TPRG1: variants seen among roughly 807,000 people sequenced by gnomAD.
TPRG1 encodes the protein tumor protein p63 regulated 1.
Under a neutral mutation model 29.3 loss-of-function variants are expected in TPRG1, and 29 were observed. The ratio of observed to expected loss-of-function variants is 0.99; its 90% confidence interval spans 0.74 to 1.35. The LOEUF (loss-of-function observed/expected upper bound fraction) is 1.35. Among genes scored for constraint, TPRG1 ranks in the 40% most tolerant of loss-of-function variants. TPRG1 has a pLI of 0.00. For missense variants in TPRG1, 327 were observed against 335.0 expected, an observed-to-expected ratio of 0.98 and a Z score of 0.19; for synonymous variants, 130 against 116.8, an observed-to-expected ratio of 1.11 and a Z score of -0.73.
chr3:189,193,829 G>A (rs574224085), intron 1 of TPRG1, among the ~76,000 whole-genome samples: 54 of 149,806 alleles, frequency 3.6e-4, no homozygotes, highest in African/African-American at 1.3e-3. Context: ...TTGTTGAATC[G>A]TCTGTCCGTA....
intron 5 of TPRG1, among the ~76,000 whole-genome samples, chr3:189,315,882 A>T (rs1324056380): frequency 6.6e-6 from 1 of 152,210 alleles, no homozygotes; most frequent in Non-Finnish European, 1.5e-5. Context: ...AAGTACTAAG[A>T]TTGTAAATAG....
chr3:189,297,805 T>C (rs1016165934), intron 4 of TPRG1, among the ~76,000 whole-genome samples: 6 of 151,936 alleles, frequency 3.9e-5, no homozygotes, highest in Non-Finnish European at 8.8e-5. Flanking sequence ...GGCTGAGGGG[T>C]GACCAAGAAC....
At chr3:189,098,767 G>A (rs2152187040), upstream of TPRG1, among the ~76,000 whole-genome samples, 1 of 152,224 alleles carries the variant, frequency 6.6e-6, no homozygotes, top group Non-Finnish European at 1.5e-5. Context: ...AAGCCTTGTG[G>A]TTTCACCATC....
At chr3:189,310,269 T>C (rs1337043033) in intron 4 of TPRG1, 117 bp from the exon 5 acceptor site, 2 of 840,700 alleles carry the variant, frequency 2.4e-6, no homozygotes, top group African/African-American at 3.5e-5. Flanking sequence ...CCCTAAAATC[T>C]TTTGAACAGT....
intron 1 of TPRG1, among the ~76,000 whole-genome samples, chr3:189,175,871 G>C (rs1295877084): frequency 1.3e-5 from 2 of 152,174 alleles, no homozygotes; most frequent in African/African-American, 4.8e-5. Context: ...CACAAGTTGA[G>C]TTCTTAACTT....
intron 3 of TPRG1, among the ~76,000 whole-genome samples, chr3:189,232,901 A>G (rs1325322932): frequency 6.6e-6 from 1 of 152,210 alleles, no homozygotes; most frequent in Non-Finnish European, 1.5e-5. Context: ...GCTTTCCTTT[A>G]GTGCCGTGCA....
At chr3:189,121,615 T>C (rs1721836177) in intron 1 of TPRG1, 1 of 152,232 alleles carries the variant, frequency 6.6e-6, no homozygotes, top group Admixed American at 6.5e-5. Context: ...TTATTTGTTC[T>C]TGAAGCAGAG....
chr3:189,199,394 A>T (rs1733084653), intron 1 of TPRG1, among the ~76,000 whole-genome samples: 1 of 152,242 alleles, frequency 6.6e-6, no homozygotes, highest in South Asian at 2.1e-4. Context: ...GAAACTTAGG[A>T]ATAATTTAGT....
intron 3 of TPRG1, among the ~76,000 whole-genome samples, chr3:189,022,133 C>T (rs959393009): frequency 2.0e-5 from 3 of 152,150 alleles, no homozygotes; most frequent in African/African-American, 7.2e-5. Flanking sequence ...ATACATTCTT[C>T]CAAATTTTTT....
At chr3:189,188,534 C>T (rs1731257203) in intron 1 of TPRG1, among the ~76,000 whole-genome samples, 1 of 152,170 alleles carries the variant, frequency 6.6e-6, no homozygotes, top group African/African-American at 2.4e-5. Flanking sequence ...CCCTTTTCCT[C>T]CTCCACATCA....
At chr3:189,315,412 C>G (rs531942414) in intron 5 of TPRG1, 2 of 431,252 alleles carry the variant, frequency 4.6e-6, no homozygotes, top group East Asian at 7.0e-5. Context: ...CAATTATCCT[C>G]AATTATTTCA....
At chr3:189,034,157 A>T (rs1213046132) in intron 4 of TPRG1, among the ~76,000 whole-genome samples, 1 of 152,220 alleles carries the variant, frequency 6.6e-6, no homozygotes, top group Non-Finnish European at 1.5e-5. Flanking sequence ...GAGAGGAAAA[A>T]AGGGGACAAA....
intron 4 of TPRG1, among the ~76,000 whole-genome samples, chr3:189,071,542 G>C (rs1716812627): frequency 6.6e-6 from 1 of 151,984 alleles, no homozygotes; most frequent in Admixed American, 6.6e-5. Flanking sequence ...TACACACACA[G>C]ACACACACAC....
intron 3 of TPRG1, among the ~76,000 whole-genome samples, chr3:189,014,340 A>G (rs1295036365): frequency 1.3e-5 from 2 of 151,926 alleles, no homozygotes; most frequent in African/African-American, 4.8e-5. Context: ...CTGGCCCCCT[A>G]TCTCTTCTGG....
intron 5 of TPRG1, among the ~76,000 whole-genome samples, chr3:189,312,762 G>C (rs950761763): frequency 6.6e-6 from 1 of 152,158 alleles, no homozygotes; most frequent in African/African-American, 2.4e-5. Flanking sequence ...ATATCAAAGA[G>C]GGTATGGAAT....
chr3:189,243,593 A>C (rs184031960), intron 4 of TPRG1, among the ~76,000 whole-genome samples: 61 of 151,152 alleles, frequency 4.0e-4, no homozygotes, highest in African/African-American at 1.4e-3. Context: ...TCCAACTTTT[A>C]TGCTGTTTCT....
At chr3:189,225,615 C>A (rs1292211532) in intron 3 of TPRG1, among the ~76,000 whole-genome samples, 1 of 152,070 alleles carries the variant, frequency 6.6e-6, no homozygotes, top group South Asian at 2.1e-4. Flanking sequence ...GTTATACAAA[C>A]GACTTTTATA....
chr3:189,010,335 C>G (rs1712532097), intron 3 of TPRG1, among the ~76,000 whole-genome samples: 1 of 152,090 alleles, frequency 6.6e-6, no homozygotes, highest in Non-Finnish European at 1.5e-5. Context: ...ATATTTCTGT[C>G]TTCAGCTATT....
rs6769188 is a variant in TPRG1 at position 189,030,678 on chromosome 3, G to A, written c.-463+6732G>A. The stretch of plus-strand genomic sequence containing the variant: ...GAAGAAGAGTTGCTGAAAGTGTTAC[G>A]CCAGTCACCTACCCTGAGGAGTGGA... On this transcript the variant is annotated intron_variant, in intron 4 of 10. Transcript: ENST00000433971. Among the ~76,000 whole-genome samples, 1,335 of 152,128 alleles carry A rather than the reference G, an allele frequency of 8.8e-3. 25 individuals are homozygous for A. The highest frequency in any genetic ancestry group is 0.031 in the African/African-American group (1,292 of 41,522).
Sources: allele counts gnomAD v4.1 joint callset (sites outside exome capture counted in the v4.1 genomes callset), GRCh38; gene constraint gnomAD v4.1.1; transcripts MANE v1.5; gene names NCBI Gene and HGNC (gene_info 2026-07-23, HGNC 2026-07-21).